The following KCNMB4 variants were observed in gnomAD, a reference collection of about 807,000 sequenced individuals.
The protein encoded by KCNMB4 is calcium-activated potassium channel subunit beta-4.
A neutral mutation model predicts 20.7 loss-of-function variants in KCNMB4; 3 were observed. That is an observed-to-expected ratio of 0.14 (90% CI 0.07 to 0.37). The LOEUF (loss-of-function observed/expected upper bound fraction) is 0.37, where lower values mean the gene tolerates loss of function less well. Among genes scored for constraint, KCNMB4 ranks in the 10% least tolerant of loss-of-function variants. KCNMB4 has a pLI of 1.00. For synonymous variants in KCNMB4, 110 were observed against 113.4 expected, an observed-to-expected ratio of 0.97 and a Z score of 0.19; for missense variants, 168 against 265.9, an observed-to-expected ratio of 0.63 and a Z score of 2.56.
In KCNMB4 at chr12:70,433,629, G is replaced by A. The variant is rs1869424006; in HGVS notation, c.*2976G>A. 1 of 152,256 alleles carries A rather than the reference G, an allele frequency of 6.6e-6. No individual in the cohort carries two copies. The highest frequency in any genetic ancestry group is 1.5e-5 in the Non-Finnish European group (1 of 68,044). The allele number at this position is 152,256 out of a possible 1,614,324, so 9.4% of individuals were successfully genotyped here. On this transcript the variant is annotated 3_prime_UTR_variant, in exon 3 of 3. Coordinates refer to ENST00000258111, the MANE Select transcript of KCNMB4 (RefSeq NM_014505.6). ...CCAGGGAAAGGGTTCTATTACTAAA[G>A]CTAAAAAGAGGGGAATGAATACTAG...
intron 2 of KCNMB4, among the ~76,000 whole-genome samples, chr12:70,423,722 T>C (rs771198894): frequency 1.4e-4 from 21 of 152,196 alleles, no homozygotes; most frequent in Admixed American, 5.2e-4. Context: ...CAGTCCTCCC[T>C]CCTCGACCTC....
intron 1 of KCNMB4, among the ~76,000 whole-genome samples, chr12:70,374,729 G>A (rs1221001437): frequency 6.6e-6 from 1 of 152,074 alleles, no homozygotes; most frequent in Admixed American, 6.6e-5. Context: ...TTATACTGAA[G>A]CACATGTGAA....
chr12:70,397,616 C>A (rs889274702), intron 1 of KCNMB4, among the ~76,000 whole-genome samples: 41 of 152,286 alleles, frequency 2.7e-4, no homozygotes, highest in African/African-American at 9.4e-4. Context: ...GAACTTTACA[C>A]ACTCAGTGAA....
intron 1 of KCNMB4, among the ~76,000 whole-genome samples, chr12:70,396,503 A>G (rs1868352383): frequency 6.6e-6 from 1 of 151,934 alleles, no homozygotes; most frequent in Admixed American, 6.6e-5. Context: ...ATGGGGTTTT[A>G]CCCTGCTGTC....
intron 1 of KCNMB4, among the ~76,000 whole-genome samples, chr12:70,382,790 G>A (rs1197863674): frequency 6.6e-6 from 1 of 152,168 alleles, no homozygotes; most frequent in Non-Finnish European, 1.5e-5. Context: ...AGGCAGTTCA[G>A]TAAAGAATTA....
chr12:70,377,657 A>G (rs1883711204), intron 1 of KCNMB4, among the ~76,000 whole-genome samples: 1 of 152,210 alleles, frequency 6.6e-6, no homozygotes, highest in Non-Finnish European at 1.5e-5. Flanking sequence ...ATGTGATGCT[A>G]TTTAATAGCA....
intron 2 of KCNMB4, among the ~76,000 whole-genome samples, chr12:70,428,138 C>T (rs936492566): frequency 1.3e-5 from 2 of 152,030 alleles, no homozygotes; most frequent in Non-Finnish European, 2.9e-5. Context: ...CCACCTCAGC[C>T]TCCCAAATAA....
At chr12:70,425,134 C>CA (rs751901136) in intron 2 of KCNMB4, among the ~76,000 whole-genome samples, 11 of 151,660 alleles carry the variant, frequency 7.3e-5, no homozygotes, top group African/African-American at 2.4e-4. Flanking sequence ...GGAGTTTTGC[C>CA]AAAAAAACAA....
At chr12:70,428,494 T>G (rs1457935211) in intron 2 of KCNMB4, among the ~76,000 whole-genome samples, 1 of 152,154 alleles carries the variant, frequency 6.6e-6, no homozygotes, top group Non-Finnish European at 1.5e-5. Flanking sequence ...AGGGAGAGGT[T>G]TTTGACAGCT....
chr12:70,370,238 T>C (rs1378709363), intron 1 of KCNMB4, among the ~76,000 whole-genome samples: 2 of 152,176 alleles, frequency 1.3e-5, no homozygotes, highest in Non-Finnish European at 2.9e-5. Context: ...AAAGGAGTCA[T>C]TGTGATTAAT....
chr12:70,419,292 A>C (rs375632984), intron 2 of KCNMB4, among the ~76,000 whole-genome samples: 6 of 152,344 alleles, frequency 3.9e-5, no homozygotes, highest in African/African-American at 1.4e-4. Flanking sequence ...TTTGGAAACA[A>C]AATGGCTCAC....
chr12:70,409,261 CCA>C (rs1247064800), intron 2 of KCNMB4, among the ~76,000 whole-genome samples: 3 of 152,228 alleles, frequency 2.0e-5, no homozygotes, highest in African/African-American at 7.2e-5. Context: ...ACTTCCTCCA[CCA>C]CTGCCTGGAT....
intron 2 of KCNMB4, among the ~76,000 whole-genome samples, chr12:70,406,099 G>T (rs1397133602): frequency 6.6e-6 from 1 of 151,976 alleles, no homozygotes; most frequent in Non-Finnish European, 1.5e-5. Flanking sequence ...TAAAAAAGTG[G>T]AATGGTGGTA....
chr12:70,423,151 C>CT (rs1438137018), intron 2 of KCNMB4, among the ~76,000 whole-genome samples: 2 of 152,164 alleles, frequency 1.3e-5, no homozygotes, highest in African/African-American at 4.8e-5. Flanking sequence ...ATATATAACA[C>CT]TTTATTTCTC....
intron 2 of KCNMB4, among the ~76,000 whole-genome samples, chr12:70,409,884 G>C (rs2136134865): frequency 6.6e-6 from 1 of 152,316 alleles, no homozygotes; most frequent in East Asian, 1.9e-4. Flanking sequence ...AGTGGAGCAA[G>C]AACTATACAG....
intron 2 of KCNMB4, among the ~76,000 whole-genome samples, chr12:70,401,434 A>C (rs952836476): frequency 2.0e-5 from 3 of 152,158 alleles, no homozygotes; most frequent in Non-Finnish European, 4.4e-5. Context: ...GTCTTGTAAC[A>C]AGTCTTCCGC....
chr12:70,382,857 G>A (rs918999039), intron 1 of KCNMB4, among the ~76,000 whole-genome samples: 12 of 152,064 alleles, frequency 7.9e-5, no homozygotes, highest in African/African-American at 2.7e-4. Context: ...AAATACAGTC[G>A]TTCATTGTTT....
intron 1 of KCNMB4, among the ~76,000 whole-genome samples, chr12:70,371,342 G>A (rs1013527598): frequency 6.6e-6 from 1 of 152,186 alleles, no homozygotes; most frequent in Non-Finnish European, 1.5e-5. Context: ...GAAGTTGGAT[G>A]TACCTAACTA....
At chr12:70,378,241 C>G (rs1200401561) in intron 1 of KCNMB4, among the ~76,000 whole-genome samples, 4 of 151,946 alleles carry the variant, frequency 2.6e-5, no homozygotes, top group African/African-American at 9.7e-5. Flanking sequence ...CAAGCATGAG[C>G]CACCGCGCCC....
Sources: gnomAD v4.1 joint callset for allele counts (sites outside exome capture counted in the v4.1 genomes callset) on GRCh38, gnomAD v4.1.1 for gene constraint, MANE v1.5 for transcripts, NCBI Gene and HGNC (gene_info 2026-07-23, HGNC 2026-07-21) for gene names.